The following PTPRD variants were observed in gnomAD, a reference collection of about 807,000 sequenced individuals.
PTPRD encodes receptor-type tyrosine-protein phosphatase delta.
Under a neutral mutation model 214.5 loss-of-function variants are expected in PTPRD, and 34 were observed. The observed-to-expected ratio is 0.16, with a 90% CI of 0.12 to 0.21. The LOEUF (loss-of-function observed/expected upper bound fraction) is 0.21, where lower values mean the gene tolerates loss of function less well. Ranked by LOEUF, PTPRD falls within the 10% of genes least tolerant of loss-of-function variation. PTPRD has a pLI of 1.00. For synonymous variants in PTPRD, 1,128 were observed against 845.7 expected, an observed-to-expected ratio of 1.33 and a Z score of -5.79; for missense variants, 2,545 against 2,398.7, an observed-to-expected ratio of 1.06 and a Z score of -1.27.
intron 8 of PTPRD, among the ~76,000 whole-genome samples, chr9:9,401,590 A>C (rs2070518150): frequency 1.9e-5 from 2 of 103,086 alleles, no homozygotes; most frequent in East Asian, 2.6e-4. Flanking sequence ...CAAGAAGTCC[A>C]AATGTTATAT....
chr9:9,015,684 G>T (rs1021815948), intron 11 of PTPRD, among the ~76,000 whole-genome samples: 3 of 152,060 alleles, frequency 2.0e-5, no homozygotes, highest in African/African-American at 7.2e-5. Context: ...GTGGGGTCTG[G>T]ATTGGGACCC....
At chr9:10,396,824 T>C (rs1183801548) in intron 2 of PTPRD, among the ~76,000 whole-genome samples, 5 of 151,986 alleles carry the variant, frequency 3.3e-5, no homozygotes, top group Non-Finnish European at 7.4e-5. Context: ...CACTGCAGTA[T>C]AAATTGGCCC....
chr9:8,999,471 TG>T (rs540988928), intron 11 of PTPRD, among the ~76,000 whole-genome samples: 21 of 152,194 alleles, frequency 1.4e-4, no homozygotes, highest in Admixed American at 2.0e-4. Context: ...ATATGTACAT[TG>T]TTTTTTAAGA....
chr9:8,426,121 G>A (rs1402513784), intron 35 of PTPRD, among the ~76,000 whole-genome samples: 1 of 152,154 alleles, frequency 6.6e-6, no homozygotes, highest in African/African-American at 2.4e-5. Flanking sequence ...CATGCATATT[G>A]AAGTTCACAA....
At chr9:9,135,226 T>G (rs1257931289) in intron 10 of PTPRD, among the ~76,000 whole-genome samples, 2 of 152,226 alleles carry the variant, frequency 1.3e-5, no homozygotes, top group Non-Finnish European at 2.9e-5. Context: ...TGCTTTCAAC[T>G]CAGAAGATTT....
At chr9:10,058,053 T>C (rs978911985) in intron 3 of PTPRD, among the ~76,000 whole-genome samples, 1 of 152,108 alleles carries the variant, frequency 6.6e-6, no homozygotes, top group Admixed American at 6.6e-5. Flanking sequence ...TACGGGTATG[T>C]GTGTAGTGCT....
intron 3 of PTPRD, among the ~76,000 whole-genome samples, chr9:10,266,098 C>A (rs1228948119): frequency 6.6e-6 from 1 of 152,152 alleles, no homozygotes; most frequent in Non-Finnish European, 1.5e-5. Context: ...CCCACACCAT[C>A]ACACATGCAC....
At chr9:8,810,377 C>T (rs2096777153) in intron 11 of PTPRD, among the ~76,000 whole-genome samples, 1 of 152,192 alleles carries the variant, frequency 6.6e-6, no homozygotes, top group East Asian at 1.9e-4. Context: ...TTATCTTCCT[C>T]TTCCTTTGAA....
chr9:10,297,675 T>C (rs772645041), intron 3 of PTPRD, among the ~76,000 whole-genome samples: 14 of 151,958 alleles, frequency 9.2e-5, no homozygotes, highest in Non-Finnish European at 1.8e-4. Flanking sequence ...AATCACTCAA[T>C]TTACAAATCA....
chr9:8,866,852 C>T (rs1192442114), intron 11 of PTPRD, among the ~76,000 whole-genome samples: 1 of 152,068 alleles, frequency 6.6e-6, no homozygotes, highest in Non-Finnish European at 1.5e-5. Flanking sequence ...CTTTGAATCT[C>T]TCTTGTACTG....
intron 27 of PTPRD, among the ~76,000 whole-genome samples, chr9:8,491,227 C>A (rs1463427655): frequency 1.3e-5 from 2 of 152,130 alleles, no homozygotes; most frequent in East Asian, 3.9e-4. Flanking sequence ...TAAGAAGGAT[C>A]TAAAATTGTG....
chr9:8,418,328 T>C (rs987041874), intron 35 of PTPRD, among the ~76,000 whole-genome samples: 1 of 152,144 alleles, frequency 6.6e-6, no homozygotes, highest in Non-Finnish European at 1.5e-5. Context: ...CATGCTTCCA[T>C]GTGTGCCACT....
chr9:9,837,977 T>A (rs190760494), intron 5 of PTPRD, among the ~76,000 whole-genome samples: 1 of 152,248 alleles, frequency 6.6e-6, no homozygotes, highest in East Asian at 1.9e-4. Context: ...GTCCATGTGT[T>A]CTCATTGCTC....
At chr9:9,452,598 T>G (rs575401359) in intron 8 of PTPRD, among the ~76,000 whole-genome samples, 1 of 151,250 alleles carries the variant, frequency 6.6e-6, no homozygotes, top group Admixed American at 6.6e-5. Context: ...CATAGCTAAC[T>G]TACTCATCTT....
At chr9:8,980,655 T>C (rs2154340050) in intron 11 of PTPRD, among the ~76,000 whole-genome samples, 1 of 152,206 alleles carries the variant, frequency 6.6e-6, no homozygotes, top group Middle Eastern at 3.4e-3. Flanking sequence ...AATTTTTCCA[T>C]TAGAGAAATG....
intron 8 of PTPRD, among the ~76,000 whole-genome samples, chr9:9,425,496 T>C (rs1271099087): frequency 6.7e-6 from 1 of 148,758 alleles, no homozygotes; most frequent in East Asian, 1.9e-4. Context: ...GCAAAAGTAA[T>C]TGTGGGTTTT....
At chr9:9,833,051 C>G (rs2055446785) in intron 5 of PTPRD, among the ~76,000 whole-genome samples, 1 of 151,904 alleles carries the variant, frequency 6.6e-6, no homozygotes, top group South Asian at 2.1e-4. Context: ...CATGGTTCCT[C>G]TAATAATACC....
chr9:9,077,378 A>AAAATGTTTCATAGGTC (rs2308277), intron 10 of PTPRD, among the ~76,000 whole-genome samples: 1 of 151,612 alleles, frequency 6.6e-6, no homozygotes, highest in Non-Finnish European at 1.5e-5. Context: ...CAGGTGACTG[A>AAAATGTTTCATAGGTC]AAATGTTATT....
intron 8 of PTPRD, among the ~76,000 whole-genome samples, chr9:9,573,078 C>T (rs1238057296): frequency 6.6e-6 from 1 of 151,454 alleles, no homozygotes; most frequent in Non-Finnish European, 1.5e-5. Context: ...ATTGATAAAG[C>T]CAAAGTCTGG....
Sources: gnomAD v4.1 joint callset for allele counts (sites outside exome capture counted in the v4.1 genomes callset) on GRCh38, gnomAD v4.1.1 for gene constraint, MANE v1.5 for transcripts, NCBI Gene and HGNC (gene_info 2026-07-23, HGNC 2026-07-21) for gene names.